The following VIRMA variants were observed in gnomAD, a reference collection of about 807,000 sequenced individuals.
VIRMA encodes the protein protein virilizer homolog.
Under a neutral mutation model 182.4 loss-of-function variants are expected in VIRMA, and 65 were observed. That is an observed-to-expected ratio of 0.36 (90% confidence interval 0.29 to 0.44). The LOEUF is 0.44. VIRMA is among the 20% of genes least tolerant of loss of function. The probability of loss-of-function intolerance (pLI) is 1.00; values close to 1 mark genes in which losing one functional copy is unlikely to be tolerated. For missense variants in VIRMA, 1,752 were observed against 2,158.1 expected (o/e 0.81, Z 3.73); for synonymous variants, 709 against 743.1 (o/e 0.95, Z 0.75).
chr8:94,503,280 G>A (rs540295098), intron 16 of VIRMA, among the ~76,000 whole-genome samples: 1 of 152,300 alleles, frequency 6.6e-6, no homozygotes, highest in African/African-American at 2.4e-5. Context: ...AAATTAATAA[G>A]TTTTCAGTGC....
At chr8:94,502,629 C>G (rs187036108) in intron 16 of VIRMA, among the ~76,000 whole-genome samples, 127 of 152,212 alleles carry the variant, frequency 8.3e-4, no homozygotes, top group African/African-American at 2.6e-3. Context: ...TAAACACACC[C>G]AGAGCCCAGA....
chr8:94,490,678 C>T (rs1007089838), intron 22 of VIRMA, among the ~76,000 whole-genome samples: 1 of 151,920 alleles, frequency 6.6e-6, no homozygotes, highest in African/African-American at 2.4e-5. Context: ...GAGACCCCGT[C>T]TCTACTAATA....
intron 9 of VIRMA, 149 bp from the exon 10 acceptor site, chr8:94,518,091 T>G (rs1357560090): frequency 1.5e-5 from 9 of 585,582 alleles, no homozygotes; most frequent in Non-Finnish European, 2.4e-5. Context: ...AATCAGATTT[T>G]ACAGTTCATA....
chr8:94,546,038 C>G (rs1274859704), intron 1 of VIRMA, among the ~76,000 whole-genome samples: 1 of 147,338 alleles, frequency 6.8e-6, no homozygotes, highest in Admixed American at 6.8e-5. Flanking sequence ...TCCTAAGCAA[C>G]AAAGCGAGAC....
chr8:94,532,988 A>T (rs1359108025), intron 5 of VIRMA, among the ~76,000 whole-genome samples: 2 of 152,140 alleles, frequency 1.3e-5, no homozygotes, highest in East Asian at 1.9e-4. Context: ...AATTAAAAAA[A>T]TTTTTTAAAT....
chr8:94,506,485 T>C lies in VIRMA; in HGVS notation c.4097+15A>G, dbSNP rs1301229562. 2.6e-6 allele frequency: 4 copies of C among 1,533,322 alleles called. No individual in the cohort carries two copies. The African/African-American group carries it at 4.1e-5, about 16-fold the overall frequency. 95.0% of individuals were successfully genotyped at this position (1,533,322 alleles called of 1,614,324 possible). On this transcript the variant is annotated intron_variant, in intron 16 of 23. Coordinates refer to ENST00000297591, the MANE Select transcript of VIRMA (RefSeq NM_015496.5). ...AATTAAATCTGAGAGTATATTAAAT[T>C]AGACAAATCATTACCTTTTTAAATG...
chr8:94,550,916 A>C (rs1815963047), intron 1 of VIRMA, among the ~76,000 whole-genome samples: 1 of 151,762 alleles, frequency 6.6e-6, no homozygotes, highest in South Asian at 2.1e-4. Flanking sequence ...ACGGGGTTTC[A>C]CTGTGTTACC....
At position 94,526,366 on chromosome 8, in the gene VIRMA, C is replaced by T. The variant is rs569882361; in HGVS notation, c.1878G>A (p.Arg626=). The T allele has an allele frequency of 1.2e-6, 2 of 1,614,074 alleles. No individual in the cohort carries two copies. The highest frequency in any genetic ancestry group is 2.7e-5 in the African/African-American group (2 of 75,016). The change falls in exon 8 of 24, where the codon AGG becomes AGA. Residue 626 remains arginine, a synonymous_variant. Coordinates refer to ENST00000297591, the MANE Select transcript of VIRMA (RefSeq NM_015496.5). ...AAACTTCTTCTAGGAGGTTAATAAG[C>T]CTTTCTATTTCCCCTTCACTTATAT... ...SSNISEGEIE[R]LINLLEEVFH...
intron 19 of VIRMA, 38 bp from the exon 20 acceptor site, chr8:94,494,994 T>C: frequency 1.4e-6 from 2 of 1,394,146 alleles, no homozygotes; most frequent in African/African-American, 1.4e-5. Flanking sequence ...AGCAGAATTC[T>C]AAAATCAAAT....
At chr8:94,512,520 T>C (rs10104301) in intron 11 of VIRMA, 6,078 of 152,446 alleles carry the variant, frequency 0.04, 133 homozygotes, top group Non-Finnish European at 0.05. Flanking sequence ...CTCACACCTA[T>C]AATTCCAGCA....
At chr8:94,527,764 A>G (rs1047118831) in intron 7 of VIRMA, among the ~76,000 whole-genome samples, 5 of 152,102 alleles carry the variant, frequency 3.3e-5, no homozygotes, top group Non-Finnish European at 7.4e-5. Flanking sequence ...ACCAAAAAAA[A>G]CTGGTTGTTT....
chr8:94,529,839 T>C (rs3099414), intron 6 of VIRMA, among the ~76,000 whole-genome samples: 46,952 of 151,918 alleles, frequency 0.31, 7,364 homozygotes, highest in South Asian at 0.47. Flanking sequence ...GGGGTTTCAC[T>C]ATGTTGGCCA....
Position 94,537,591 on chromosome 8 carries a change from T to C in VIRMA, c.267-440A>G, listed in dbSNP as rs868251552. On this transcript the variant is annotated intron_variant, in intron 3 of 23. Transcript: ENST00000297591. ...TTCATTTAAAAAAAAAGTTAAATTA[T>C]TGACATAATTTAATAATAAATAAGA... is the stretch of plus-strand genomic sequence containing the variant. 1.1e-4 allele frequency among the ~76,000 whole-genome samples: 16 copies of C among 152,288 alleles called. No homozygotes were observed. In the South Asian group the frequency reaches 2.5e-3, roughly 24 times the overall value.
intron 10 of VIRMA, among the ~76,000 whole-genome samples, chr8:94,515,430 A>C (rs904020624): frequency 1.3e-5 from 2 of 152,034 alleles, no homozygotes; most frequent in Admixed American, 1.3e-4. Flanking sequence ...GAAGTGCAAC[A>C]GTGTGATCAC....
At chr8:94,541,899 C>G (rs1287284243) in intron 2 of VIRMA, among the ~76,000 whole-genome samples, 1 of 152,178 alleles carries the variant, frequency 6.6e-6, no homozygotes, top group Non-Finnish European at 1.5e-5. Flanking sequence ...CTGTAGCATA[C>G]TAATGATGTA....
intron 15 of VIRMA, among the ~76,000 whole-genome samples, chr8:94,507,025 A>G (rs562723979): frequency 2.0e-5 from 3 of 152,118 alleles, no homozygotes; most frequent in East Asian, 3.8e-4. Context: ...TCTGTTTTCA[A>G]TAGGTTAAAG....
chr8:94,494,882 T>C lies in VIRMA; in HGVS notation c.4619A>G (p.Glu1540Gly). Residue 1540 changes from glutamate to glycine, a missense_variant, in exon 20 of 24, where the codon GAG becomes GGG. Around this residue, in one of 11 missense-constraint regions of VIRMA, gnomAD observed 777 missense variants for 920.6 expected, o/e 0.84. Transcript: ENST00000297591. ...TACCAAATCCAGATCTGTATCTATCTCTTCAGCCTGAAATGGAGTGAACCA... is the reference window on the plus strand; with the variant it reads ...TACCAAATCCAGATCTGTATCTATCCCTTCAGCCTGAAATGGAGTGAACCA... The part of the protein sequence containing the change: ...SMWFTPFQAE[E>G]IDTDLDLVKV... 1 of 1,597,662 alleles carries C rather than the reference T, an allele frequency of 6.3e-7. No individual in the cohort carries two copies. Among genetic ancestry groups the C allele is most frequent in the Non-Finnish European group, 8.6e-7 (1 of 1,166,014 alleles).
intron 11 of VIRMA, among the ~76,000 whole-genome samples, chr8:94,513,209 G>A (rs1045757740): frequency 1.3e-5 from 2 of 151,996 alleles, no homozygotes; most frequent in South Asian, 2.1e-4. Context: ...GTGGTAGCAC[G>A]TGCCTGTAAT....
At chr8:94,501,190 A>T (rs1428280330) in intron 16 of VIRMA, among the ~76,000 whole-genome samples, 2 of 143,878 alleles carry the variant, frequency 1.4e-5, no homozygotes, top group East Asian at 2.3e-4. Context: ...CAGGAGGCGC[A>T]GGTTGCAGTG....
Sources: gnomAD v4.1 joint callset for allele counts (sites outside exome capture counted in the v4.1 genomes callset) on GRCh38, gnomAD v4.1.1 for gene constraint, gnomAD v4.1.1 regional missense constraint, MANE v1.5 for transcripts, NCBI Gene and HGNC (gene_info 2026-07-23, HGNC 2026-07-21) for gene names.